RFWD3: variants seen among roughly 807,000 people sequenced by gnomAD.
The protein encoded by RFWD3 is ring finger and WD repeat domain 3.
A neutral mutation model predicts 87.7 loss-of-function variants in RFWD3; 65 were observed. The observed-to-expected ratio is 0.74, with a 90% CI of 0.61 to 0.91. RFWD3 has a LOEUF of 0.91. RFWD3 is among the 40% of genes least tolerant of loss of function. The pLI is 0.00. For missense variants in RFWD3, 1,078 were observed against 938.5 expected (o/e 1.15, Z -1.94); for synonymous variants, 433 against 352.8 (o/e 1.23, Z -2.55).
At chr16:74,625,693 C>T (rs901716704) in intron 12 of RFWD3, among the ~76,000 whole-genome samples, 1 of 152,202 alleles carries the variant, frequency 6.6e-6, no homozygotes, top group African/African-American at 2.4e-5. Context: ...TTCCCTGCAA[C>T]TCCAGTCAAT....
chr16:74,637,822 CA>C, intron 7 of RFWD3, 33 bp downstream of exon 7: 2 of 1,514,254 alleles, frequency 1.3e-6, no homozygotes, highest in Non-Finnish European at 1.8e-6. Flanking sequence ...ATTCCTATTC[CA>C]AAAGTTCTTT....
intron 11 of RFWD3, among the ~76,000 whole-genome samples, chr16:74,628,117 A>C (rs1230677657): frequency 6.6e-6 from 1 of 152,212 alleles, no homozygotes; most frequent in East Asian, 1.9e-4. Context: ...AGAGGCAGGC[A>C]GAAGATACGA....
At position 74,626,461 on chromosome 16, in the gene RFWD3, T is replaced by C. The variant is rs746955316; in HGVS notation, c.2063A>G (p.His688Arg). The C allele has an allele frequency of 6.8e-6, 11 of 1,614,042 alleles. No homozygotes were observed. Among genetic ancestry groups the C allele is most frequent in the African/African-American group, 1.3e-5 (1 of 74,918 alleles). ...GNPICSCQPV[H>R]TFFGGPTCKL... Reference sequence around the variant, plus strand: ...GCAAGTAGGTCCTCCAAAAAATGTATGTACAGGCTGGCAGGAGCAGATTGG... The same window carrying C: ...GCAAGTAGGTCCTCCAAAAAATGTACGTACAGGCTGGCAGGAGCAGATTGG... Residue 688 changes from histidine to arginine, a missense_variant, in exon 12 of 13, where the codon CAT (histidine) becomes CGT (arginine). His to Arg is a conservative substitution (Grantham distance 29, BLOSUM62 0). Transcript: ENST00000361070.
intron 6 of RFWD3, chr16:74,643,852 AT>A (rs367568231): frequency 1.5e-3 from 239 of 161,134 alleles, no homozygotes; most frequent in East Asian, 0.012. Context: ...ATTTTTTTGT[AT>A]TTTTTAGTAG....
chr16:74,636,247 G>A (rs1959195508), intron 8 of RFWD3, 99 bp downstream of exon 8: 1 of 1,060,484 alleles, frequency 9.4e-7, no homozygotes, highest in Non-Finnish European at 1.4e-6. Context: ...AGGGAAAGGT[G>A]ATTTGGTAAC....
chr16:74,636,425 G>A lies in RFWD3; in HGVS notation c.1347C>T (p.Asn449=), dbSNP rs762490667. Residue 449 remains asparagine (N), a synonymous_variant, in exon 8 of 13, where the codon AAC becomes AAT. Coordinates refer to ENST00000361070, the MANE Select transcript of RFWD3 (RefSeq NM_018124.4). ...CATCACAGTATGCCATGATCCGGCA[G>A]TTTCCTGCCTGAGATACTGTGAAGG... is the stretch of plus-strand genomic sequence containing the variant. ...QKTFTVSQAG[N]CRIMAYCDAL... 2.5e-6 allele frequency: 4 copies of A among 1,614,200 alleles called. No individual in the cohort carries two copies. Among genetic ancestry groups the A allele is most frequent in the South Asian group, 1.1e-5 (1 of 91,080 alleles).
intron 9 of RFWD3, 103 bp from the exon 10 acceptor site, chr16:74,631,060 C>T (rs1959078504): frequency 2.2e-5 from 22 of 988,042 alleles, no homozygotes; most frequent in Non-Finnish European, 3.2e-5. Context: ...TTACTGAGAA[C>T]ACACTCATAC....
intron 6 of RFWD3, among the ~76,000 whole-genome samples, chr16:74,638,934 A>G (rs1959384587): frequency 6.6e-6 from 1 of 152,164 alleles, no homozygotes; most frequent in Non-Finnish European, 1.5e-5. Context: ...CTCCCAGGCT[A>G]CAAACTTGTA....
At chr16:74,633,730 G>A (rs1485060976) in intron 8 of RFWD3, among the ~76,000 whole-genome samples, 6 of 152,006 alleles carry the variant, frequency 3.9e-5, no homozygotes, top group African/African-American at 7.2e-5. Context: ...TGGGTGGCTC[G>A]CTTGAGATCA....
chr16:74,634,087 ACT>A (rs1248728864), intron 8 of RFWD3, among the ~76,000 whole-genome samples: 4 of 152,124 alleles, frequency 2.6e-5, no homozygotes, highest in South Asian at 4.1e-4. Flanking sequence ...TATGTAGTTT[ACT>A]CTCTGTCAAT....
intron 4 of RFWD3, among the ~76,000 whole-genome samples, 173 bp downstream of exon 4, chr16:74,648,959 G>A (rs1266786187): frequency 6.6e-6 from 1 of 151,962 alleles, no homozygotes; most frequent in African/African-American, 2.4e-5. Context: ...GGCATTACCT[G>A]TAGTTCCAGC....
intron 9 of RFWD3, among the ~76,000 whole-genome samples, chr16:74,631,734 T>C (rs117430694): frequency 0.02 from 3,043 of 152,172 alleles, 42 homozygotes; most frequent in Non-Finnish European, 0.028. Flanking sequence ...GAGTAAACAG[T>C]ACCAACCTGG....
At chr16:74,636,626 C>A (rs1468766662) in intron 7 of RFWD3, 49 bp from the exon 8 acceptor site, 3 of 1,305,346 alleles carry the variant, frequency 2.3e-6, no homozygotes, top group Admixed American at 4.0e-5. Flanking sequence ...ATTTGATATT[C>A]CCCTCAAATA....
intron 10 of RFWD3, 44 bp downstream of exon 10, chr16:74,630,737 A>C: frequency 6.6e-7 from 1 of 1,523,238 alleles, no homozygotes; most frequent in Non-Finnish European, 8.8e-7. Context: ...TAATAAGCCA[A>C]GAGAAAGCTG....
chr16:74,635,924 A>G (rs190429582), intron 8 of RFWD3, among the ~76,000 whole-genome samples: 56 of 152,360 alleles, frequency 3.7e-4, no homozygotes, highest in Middle Eastern at 6.8e-3. Flanking sequence ...TTTACTCCCT[A>G]AATTCTCTTA....
chr16:74,639,832 T>A (rs1414419630), intron 6 of RFWD3, among the ~76,000 whole-genome samples: 1 of 152,200 alleles, frequency 6.6e-6, no homozygotes, highest in Non-Finnish European at 1.5e-5. Context: ...AAGAGTACAG[T>A]GTCTCCTTAT....
intron 6 of RFWD3, among the ~76,000 whole-genome samples, chr16:74,641,376 T>C (rs1053865999): frequency 1.3e-5 from 2 of 151,884 alleles, no homozygotes; most frequent in East Asian, 1.9e-4. Flanking sequence ...TTGGCCAGGC[T>C]GGTCTCCAAC....
At chr16:74,643,113 T>C (rs1453666165) in intron 6 of RFWD3, among the ~76,000 whole-genome samples, 4 of 152,216 alleles carry the variant, frequency 2.6e-5, no homozygotes, top group Non-Finnish European at 4.4e-5. Flanking sequence ...TAAAATAATC[T>C]GTACAGTGAC....
At chr16:74,639,124 C>T (rs1183099078) in intron 6 of RFWD3, among the ~76,000 whole-genome samples, 5 of 151,822 alleles carry the variant, frequency 3.3e-5, no homozygotes, top group Non-Finnish European at 7.4e-5. Flanking sequence ...CGGCTACCTC[C>T]GCCCCCCGGG....
Sources: gnomAD v4.1 joint callset for allele counts (sites outside exome capture counted in the v4.1 genomes callset) on GRCh38, gnomAD v4.1.1 for gene constraint, MANE v1.5 for transcripts, NCBI Gene and HGNC (gene_info 2026-07-23, HGNC 2026-07-21) for gene names.